Variants in PTK2B observed in about 807,000 individuals in gnomAD.
PTK2B encodes the protein protein-tyrosine kinase 2-beta.
Under a neutral mutation model 142.9 loss-of-function variants are expected in PTK2B, and 71 were observed. The ratio of observed to expected loss-of-function variants is 0.50; its 90% CI spans 0.41 to 0.61. The LOEUF (loss-of-function observed/expected upper bound fraction) is 0.61. Ranked by LOEUF, PTK2B falls within the 20% of genes least tolerant of loss-of-function variation. PTK2B has a pLI of 0.00. For missense variants in PTK2B, 1,105 were observed against 1,320.4 expected, an observed-to-expected ratio of 0.84 and a Z score of 2.53; for synonymous variants, 519 against 503.4, an observed-to-expected ratio of 1.03 and a Z score of -0.42.
chr8:27,337,168 G>C (rs972539653), intron 1 of PTK2B, among the ~76,000 whole-genome samples: 25 of 150,640 alleles, frequency 1.7e-4, no homozygotes, highest in Admixed American at 1.6e-3. Context: ...CAAGAGTCTT[G>C]TTCTGTTGCC....
chr8:27,453,298 A>G, intron 28 of PTK2B, 138 bp downstream of exon 28: 1 of 1,062,160 alleles, frequency 9.4e-7, no homozygotes, highest in Non-Finnish European at 1.4e-6. Flanking sequence ...GCCCGGGGTT[A>G]GGGGGCGGGT....
At chr8:27,376,394 A>G (rs1361832932) in intron 1 of PTK2B, among the ~76,000 whole-genome samples, 3 of 152,242 alleles carry the variant, frequency 2.0e-5, no homozygotes, top group African/African-American at 7.2e-5. Context: ...TCTGAGCAGC[A>G]GGTGGGCCTG....
At position 27,325,681 on chromosome 8, in the gene PTK2B, G is replaced by A. The variant is rs753561486; in HGVS notation, c.-38G>A. 6.6e-6 allele frequency: 1 copy of A among 152,350 alleles called. No individual in the cohort carries two copies. Among genetic ancestry groups the A allele is most frequent in the Non-Finnish European group, 1.5e-5 (1 of 68,134 alleles). The allele number at this position is 152,350 out of a possible 1,614,324, so 9.4% of individuals were successfully genotyped here. On this transcript the variant is annotated splice_region_variant and 5_prime_UTR_variant, in exon 1 of 31. Coordinates refer to ENST00000346049, the MANE Select transcript of PTK2B (RefSeq NM_173176.3). ...AGTCGCTGGAGTCCGCGCCTCCCTG[G>A]GTGAGTCCCTCCCGCGAGCCAGGGC...
At chr8:27,420,821 G>A (rs1809701365) in intron 4 of PTK2B, 77 bp downstream of exon 4, 4 of 1,350,966 alleles carry the variant, frequency 3.0e-6, no homozygotes, top group South Asian at 2.4e-5. Flanking sequence ...TCTCTCCTAG[G>A]GAGATGGAAA....
chr8:27,393,483 A>G (rs1807846333), intron 1 of PTK2B, among the ~76,000 whole-genome samples: 1 of 151,780 alleles, frequency 6.6e-6, no homozygotes, highest in South Asian at 2.1e-4. Flanking sequence ...AAGACACCAG[A>G]GTCCTCCAAG....
chr8:27,318,209 T>G (rs1043156783), intron 3 of PTK2B, among the ~76,000 whole-genome samples: 1 of 152,166 alleles, frequency 6.6e-6, no homozygotes, highest in Non-Finnish European at 1.5e-5. Context: ...CTAGAAGTTC[T>G]TCTTGTTCCT....
chr8:27,434,657 G>C, intron 13 of PTK2B, 98 bp downstream of exon 13: 1 of 1,346,954 alleles, frequency 7.4e-7, no homozygotes, highest in Non-Finnish European at 1.0e-6. Context: ...TTTCCTCCAA[G>C]TGACAGAAAA....
At chr8:27,397,899 G>T in intron 2 of PTK2B, 111 bp downstream of exon 2, 2 of 1,291,496 alleles carry the variant, frequency 1.5e-6, no homozygotes, top group Non-Finnish European at 2.2e-6. Context: ...CCCCTGGGTG[G>T]AAGAGGTGAG....
At chr8:27,440,561 A>G (rs2241658) in intron 21 of PTK2B, 120 bp downstream of exon 21, 1,026,971 of 1,204,892 alleles carry the variant, frequency 0.85, 440,050 homozygotes, top group Middle Eastern at 0.93. Context: ...GGTCAAGGAC[A>G]GGAGGCTGAA....
rs778549869 is a variant in PTK2B, at chr8:27,454,224, G to A, written c.2666G>A (p.Arg889Gln). Reference protein sequence around the residue: ...LVYLNVMELVRAVLELKNELC... With the variant: ...LVYLNVMELVQAVLELKNELC... ...TACCTCAATGTCATGGAGCTGGTGC[G>A]GGCCGTGCTGGAGCTCAAGAATGAG... Residue 889 changes from arginine (R) to glutamine (Q), a missense_variant, in exon 29 of 31, where the codon CGG becomes CAG. Physicochemically the swap from Arg to Gln is conservative, Grantham distance 43 (BLOSUM62 1). Coordinates refer to ENST00000346049, the MANE Select transcript of PTK2B (RefSeq NM_173176.3). 2.9e-5 allele frequency: 46 copies of A among 1,614,020 alleles called. No homozygotes were observed. The highest frequency in any genetic ancestry group is 1.6e-4 in the Middle Eastern group (1 of 6,084).
At chr8:27,439,916 C>T (rs1157102597) in intron 20 of PTK2B, among the ~76,000 whole-genome samples, 1 of 152,160 alleles carries the variant, frequency 6.6e-6, no homozygotes, top group Non-Finnish European at 1.5e-5. Context: ...GCTTCCATTT[C>T]CAGCTTTACT....
At chr8:27,441,471 T>C (rs953984059) in intron 21 of PTK2B, among the ~76,000 whole-genome samples, 5 of 152,214 alleles carry the variant, frequency 3.3e-5, no homozygotes, top group Non-Finnish European at 5.9e-5. Flanking sequence ...TGATTTTAAA[T>C]ACTGTAGTCA....
intron 1 of PTK2B, among the ~76,000 whole-genome samples, chr8:27,358,099 C>T (rs750419645): frequency 6.6e-6 from 1 of 152,194 alleles, no homozygotes; most frequent in African/African-American, 2.4e-5. Flanking sequence ...AGTAGACGTT[C>T]CCTTTTTCTC....
At chr8:27,432,633 A>G (rs1398293802) in intron 10 of PTK2B, among the ~76,000 whole-genome samples, 1 of 152,186 alleles carries the variant, frequency 6.6e-6, no homozygotes, top group East Asian at 1.9e-4. Flanking sequence ...GTGACCAGAA[A>G]TCAGGTATAA....
At chr8:27,393,796 C>A (rs1453090920) in intron 1 of PTK2B, among the ~76,000 whole-genome samples, 2 of 152,134 alleles carry the variant, frequency 1.3e-5, no homozygotes, top group Non-Finnish European at 2.9e-5. Context: ...CCCTCACCCC[C>A]CAGAGTGGCG....
upstream of PTK2B, chr8:27,323,224 G>C (rs1803262635): frequency 6.6e-6 from 1 of 152,320 alleles, no homozygotes. Flanking sequence ...TAAGGAGGGA[G>C]AGGGAGAGTC....
At chr8:27,400,981 A>ACCAAAAGT (rs141943259) in intron 2 of PTK2B, among the ~76,000 whole-genome samples, 57,309 of 151,578 alleles carry the variant, frequency 0.38, 11,364 homozygotes, top group Middle Eastern at 0.49. Flanking sequence ...CCCCATCTCT[A>ACCAAAAGT]CCAAAAAATT....
Position 27,420,037 on chromosome 8 carries a change from A to G in PTK2B, c.347A>G (p.Asp116Gly), listed in dbSNP as rs1435955484. The G allele has an allele frequency of 2.5e-6, 4 of 1,614,212 alleles. No homozygotes were observed. The highest frequency in any genetic ancestry group is 3.4e-6 in the Non-Finnish European group (4 of 1,180,040). Residue 116 changes from aspartate to glycine, a missense_variant, in exon 3 of 31, where the codon GAC (aspartate) becomes GGC (glycine). By Grantham distance (94) the Asp-to-Gly change is moderately conservative. Coordinates refer to ENST00000346049, the MANE Select transcript of PTK2B (RefSeq NM_173176.3). ...HPQMTVGEVQ[D>G]KYECLHVEAE... is the part of the protein sequence containing the mutation. ...CAGATGACGGTGGGTGAGGTGCAGG[A>G]CAAGTATGAGTGTCTGCACGTGGAA...
chr8:27,329,161 T>G (rs1425450736), intron 1 of PTK2B, among the ~76,000 whole-genome samples: 1 of 152,054 alleles, frequency 6.6e-6, no homozygotes, highest in Non-Finnish European at 1.5e-5. Flanking sequence ...GGGTCTCAAT[T>G]TCTTGACCTC....
Sources: gnomAD v4.1 joint callset for allele counts (sites outside exome capture counted in the v4.1 genomes callset) on GRCh38, gnomAD v4.1.1 for gene constraint, MANE v1.5 for transcripts, NCBI Gene and HGNC (gene_info 2026-07-23, HGNC 2026-07-21) for gene names.